Variants in SH3PXD2B observed in about 807,000 individuals in gnomAD.
The protein encoded by SH3PXD2B is SH3 and PX domain-containing protein 2B.
A neutral mutation model predicts 73.1 loss-of-function variants in SH3PXD2B; 37 were observed. That is an observed-to-expected ratio of 0.51 (90% CI 0.39 to 0.67). The LOEUF (loss-of-function observed/expected upper bound fraction) is 0.67. SH3PXD2B is among the 30% of genes least tolerant of loss of function. SH3PXD2B has a pLI of 0.00. For missense variants in SH3PXD2B, 1,053 were observed against 1,197.8 expected (o/e 0.88, Z 1.78); for synonymous variants, 457 against 480.5 (o/e 0.95, Z 0.64).
chr5:172,373,943 C>A, intron 5 of SH3PXD2B, 128 bp from the exon 6 acceptor site: 1 of 1,041,838 alleles, frequency 9.6e-7, no homozygotes, highest in Non-Finnish European at 1.4e-6. Flanking sequence ...GAATAAAATC[C>A]AGGCCAACTA....
chr5:172,454,464 A>G lies in SH3PXD2B; in HGVS notation c.-112T>C. The G allele has an allele frequency of 4.0e-6, 2 of 498,818 alleles. No homozygotes were observed. Among genetic ancestry groups the G allele is most frequent in the Non-Finnish European group, 2.7e-6 (1 of 368,612 alleles). 30.9% of individuals were successfully genotyped at this position (498,818 alleles called of 1,614,324 possible). ...GGAACCTGGAGCTGAGCGCAATCGC[A>G]GCCGGGGCCGAGCACGAGCCGCCGC... On this transcript the variant is annotated 5_prime_UTR_variant, in exon 1 of 13. Transcript: ENST00000311601.
chr5:172,415,349 C>A (rs1234651462), intron 2 of SH3PXD2B, among the ~76,000 whole-genome samples: 3 of 152,056 alleles, frequency 2.0e-5, no homozygotes, highest in African/African-American at 7.2e-5. Flanking sequence ...GCCAAATGGG[C>A]CTTAAAAAGG....
chr5:172,347,146 C>T (rs185511913), intron 11 of SH3PXD2B, 137 bp downstream of exon 11: 372 of 871,630 alleles, frequency 4.3e-4, no homozygotes, highest in Non-Finnish European at 6.3e-4. Flanking sequence ...AGCATTTCTA[C>T]AGCCTGCTTC....
At position 172,373,694 on chromosome 5, in the gene SH3PXD2B, T is replaced by A. The variant is rs953080255; in HGVS notation, c.427+96A>T. 4.3e-6 allele frequency: 6 copies of A among 1,390,920 alleles called. No homozygotes were observed. The Admixed American group carries it at 1.2e-4, about 27-fold the overall frequency. The allele number at this position is 1,390,920 out of a possible 1,614,324, so 86.2% of individuals were successfully genotyped here. A position where few individuals can be genotyped will look rare whatever the true frequency, so the allele number is the denominator to read the frequency against. ...CCATCCACCCATCCACATCACTGTA[T>A]CCTCAGCATGGAACCCAGAGCCTGG... On this transcript the variant is annotated intron_variant, in intron 6 of 12. Transcript: ENST00000311601.
chr5:172,381,420 T>C (rs1757942704), intron 5 of SH3PXD2B, among the ~76,000 whole-genome samples: 1 of 152,174 alleles, frequency 6.6e-6, no homozygotes. Flanking sequence ...GCCAGAGTGT[T>C]GGTGCGTAAG....
chr5:172,349,320 G>A (rs1581266408), intron 10 of SH3PXD2B, among the ~76,000 whole-genome samples: 1 of 152,338 alleles, frequency 6.6e-6, no homozygotes, highest in African/African-American at 2.4e-5. Context: ...TCTCAACAGA[G>A]TTCACCTGCC....
In SH3PXD2B at chr5:172,339,725, G is replaced by C. The variant is rs1365860466; in HGVS notation, c.1380C>G (p.Gly460=). The part of the protein sequence containing the change: ...GEAAALENNT[G]SEATGPSRPL... ...GCCGGGAGGGGCCCGTGGCTTCGCT[G>C]CCCGTGTTGTTCTCCAGCGCTGCTG... is the stretch of plus-strand genomic sequence containing the variant. Residue 460 remains glycine, a synonymous_variant, in exon 13 of 13, where the codon GGC becomes GGG. Transcript: ENST00000311601. This position sits in a 1 kb window ranked among gnomAD's most constrained non-coding sequence, Gnocchi z 6.1. 1 of 1,614,126 alleles carries C rather than the reference G, an allele frequency of 6.2e-7. No individual in the cohort carries two copies. The highest frequency in any genetic ancestry group is 2.2e-5 in the East Asian group (1 of 44,884).
At chr5:172,411,535 C>G (rs1581318295) in intron 2 of SH3PXD2B, among the ~76,000 whole-genome samples, 1 of 152,274 alleles carries the variant, frequency 6.6e-6, no homozygotes, top group Middle Eastern at 3.4e-3. Context: ...CCCAACAGCC[C>G]TGGGGTTCAA....
At chr5:172,332,420 C>T, downstream of SH3PXD2B, among the ~76,000 whole-genome samples, 1 of 142,296 alleles carries the variant, frequency 7.0e-6, no homozygotes, top group African/African-American at 2.6e-5. Flanking sequence ...CACCTGGCTA[C>T]TTTTTTTTTT....
chr5:172,415,542 T>A (rs1170120930), intron 2 of SH3PXD2B, among the ~76,000 whole-genome samples: 1 of 152,208 alleles, frequency 6.6e-6, no homozygotes, highest in East Asian at 1.9e-4. Flanking sequence ...TGAGCTTCAG[T>A]TTCCCCATCT....
chr5:172,337,571 G>A lies in SH3PXD2B; in HGVS notation c.*798C>T, dbSNP rs2113246632. 2.0e-6 allele frequency: 2 copies of A among 985,572 alleles called. No homozygotes were observed. The highest frequency in any genetic ancestry group is 9.4e-5 in the South Asian group (2 of 21,296). 61.1% of individuals were successfully genotyped at this position (985,572 alleles called of 1,614,324 possible). Reference sequence around the variant, plus strand: ...TATTCAAACAAACTTTGAGATTCTTGCTTTAGGTAGGCAAAAATGAAATGC... The same window carrying A: ...TATTCAAACAAACTTTGAGATTCTTACTTTAGGTAGGCAAAAATGAAATGC... On this transcript the variant is annotated 3_prime_UTR_variant, in exon 13 of 13. Transcript: ENST00000311601.
intron 3 of SH3PXD2B, among the ~76,000 whole-genome samples, chr5:172,397,504 C>T (rs1229562991): frequency 1.3e-5 from 2 of 152,186 alleles, no homozygotes; most frequent in Admixed American, 1.3e-4. Context: ...GCTGGTTTTG[C>T]AGCTTGGGGG....
chr5:172,401,712 C>T (rs1438192370), intron 3 of SH3PXD2B, among the ~76,000 whole-genome samples: 4 of 152,172 alleles, frequency 2.6e-5, no homozygotes, highest in African/African-American at 9.7e-5. Flanking sequence ...CAAATTAATA[C>T]TTTTATAATT....
chr5:172,340,287 G>A (rs1217100869), intron 12 of SH3PXD2B, among the ~76,000 whole-genome samples: 17 of 152,208 alleles, frequency 1.1e-4, no homozygotes, highest in Non-Finnish European at 1.5e-5. Context: ...TGATCTGCCA[G>A]GGACCCTCTG....
rs757975252 is a variant in SH3PXD2B at position 172,339,397 on chromosome 5, G to C, written c.1708C>G (p.Pro570Ala). Reference protein sequence around the residue: ...ILPMMPAKHIPPARDSRRPEP... With the variant: ...ILPMMPAKHIAPARDSRRPEP... ...GGCCTCCTGCTGTCCCGGGCTGGAG[G>C]GATGTGTTTGGCTGGCATCATCGGC... The change falls in exon 13 of 13, where the codon CCT becomes GCT. Residue 570 changes from proline (P) to alanine (A), a missense_variant. Coordinates refer to ENST00000311601, the MANE Select transcript of SH3PXD2B (RefSeq NM_001017995.3). This position sits in a 1 kb window ranked among gnomAD's most constrained non-coding sequence, Gnocchi z 6.1. 6.2e-7 allele frequency: 1 copy of C among 1,614,196 alleles called. No homozygotes were observed. The highest frequency in any genetic ancestry group is 1.7e-5 in the Admixed American group (1 of 60,030).
intron 2 of SH3PXD2B, among the ~76,000 whole-genome samples, chr5:172,416,692 CTCTCTTTTTTTTTTTTTTT>C (rs1417969364): frequency 4.6e-4 from 42 of 91,274 alleles, no homozygotes; most frequent in African/African-American, 8.8e-4. Context: ...CTCTCTCTCT[CTCTCTTTTTTTTTTTTTTT>C]TTTTTTTTTT....
intron 1 of SH3PXD2B, among the ~76,000 whole-genome samples, chr5:172,429,402 G>A (rs953729041): frequency 3.9e-5 from 6 of 152,206 alleles, no homozygotes; most frequent in Non-Finnish European, 4.4e-5. Context: ...ACTGGGGTTA[G>A]AGAGTCACGG....
At chr5:172,405,345 G>A (rs1264397306) in intron 3 of SH3PXD2B, among the ~76,000 whole-genome samples, 1 of 152,220 alleles carries the variant, frequency 6.6e-6, no homozygotes, top group Non-Finnish European at 1.5e-5. Context: ...TTTAGAAGAG[G>A]GAGATTATCC....
intron 2 of SH3PXD2B, among the ~76,000 whole-genome samples, chr5:172,417,759 A>G (rs1360597290): frequency 1.3e-5 from 2 of 152,204 alleles, no homozygotes; most frequent in Non-Finnish European, 2.9e-5. Context: ...GACAGCCTAG[A>G]AACTGCTCTG....
Sources: gnomAD v4.1 joint callset for allele counts (sites outside exome capture counted in the v4.1 genomes callset) on GRCh38, gnomAD v4.1.1 for gene constraint, Gnocchi (gnomAD v3.1) non-coding constraint, MANE v1.5 for transcripts, NCBI Gene and HGNC (gene_info 2026-07-23, HGNC 2026-07-21) for gene names.